The following LMNTD1 variants were observed in gnomAD, a reference collection of about 807,000 sequenced individuals.
LMNTD1 encodes lamin tail domain-containing protein 1.
In LMNTD1, 35 loss-of-function variants were observed where a neutral mutation model predicts 50.9. The observed-to-expected ratio is 0.69, with a 90% confidence interval of 0.53 to 0.91. The LOEUF is 0.91. Ranked by LOEUF, LMNTD1 falls within the 40% of genes least tolerant of loss-of-function variation. The pLI is 0.00. For synonymous variants in LMNTD1, 153 were observed against 161.9 expected (o/e 0.94, Z 0.42); for missense variants, 470 against 475.5 (o/e 0.99, Z 0.11).
At chr12:25,505,308 A>C (rs979150715) in intron 8 of LMNTD1, among the ~76,000 whole-genome samples, 7 of 152,212 alleles carry the variant, frequency 4.6e-5, no homozygotes, top group African/African-American at 1.7e-4. Context: ...TCTGTAAAGA[A>C]GGTTACAATC....
At chr12:25,536,728 G>C (rs1057175333) in intron 4 of LMNTD1, among the ~76,000 whole-genome samples, 14 of 152,236 alleles carry the variant, frequency 9.2e-5, no homozygotes, top group African/African-American at 3.4e-4. Flanking sequence ...GAGGAGCCAA[G>C]ATGGCCAAAT....
intron 1 of LMNTD1, among the ~76,000 whole-genome samples, chr12:25,629,893 T>C (rs1946676767): frequency 6.6e-6 from 1 of 152,178 alleles, no homozygotes; most frequent in Admixed American, 6.5e-5. Flanking sequence ...CAAAGAGATC[T>C]GACTTTAATT....
At chr12:25,496,998 T>C (rs917019667) in intron 9 of LMNTD1, among the ~76,000 whole-genome samples, 1 of 152,130 alleles carries the variant, frequency 6.6e-6, no homozygotes, top group African/African-American at 2.4e-5. Flanking sequence ...TTTAACATAA[T>C]GTTTCAAAGT....
chr12:25,623,874 C>T (rs563847259), intron 1 of LMNTD1, among the ~76,000 whole-genome samples: 1 of 152,302 alleles, frequency 6.6e-6, no homozygotes, highest in Non-Finnish European at 1.5e-5. Flanking sequence ...AGGGTCTAGC[C>T]AGCTTTGGAT....
chr12:25,576,913 T>C (rs1207968216), intron 1 of LMNTD1, among the ~76,000 whole-genome samples: 4 of 152,210 alleles, frequency 2.6e-5, no homozygotes, highest in Admixed American at 2.0e-4. Context: ...TACATATGGC[T>C]AGCCAGTTTT....
intron 1 of LMNTD1, among the ~76,000 whole-genome samples, chr12:25,560,823 GCTCT>G (rs1481229016): frequency 2.0e-5 from 3 of 152,048 alleles, no homozygotes; most frequent in East Asian, 1.9e-4. Flanking sequence ...TCATGATTTG[GCTCT>G]CTGTTTGTCT....
chr12:25,518,816 T>C lies in LMNTD1; in HGVS notation c.1168A>G (p.Thr390Ala). The part of the protein sequence containing the change: ...RLDRQPRTRS[T>A]RPNRASGSKK... ...TGACCTGAGGCTCGATTAGGTCTGG[T>C]TGACCGAGTCCTGGGCTGTCTATCC... The change falls in exon 8 of 10, where the codon ACC becomes GCC. Residue 390 changes from threonine (T) to alanine (A), a missense_variant. Coordinates refer to ENST00000458174, the MANE Select transcript of LMNTD1 (RefSeq NM_001145728.2). 6.2e-7 allele frequency: 1 copy of C among 1,614,152 alleles called. No individual in the cohort carries two copies. The highest frequency in any genetic ancestry group is 8.5e-7 in the Non-Finnish European group (1 of 1,180,004).
intron 4 of LMNTD1, among the ~76,000 whole-genome samples, chr12:25,529,056 T>C (rs1196575088): frequency 1.3e-5 from 2 of 152,170 alleles, no homozygotes; most frequent in Non-Finnish European, 2.9e-5. Flanking sequence ...AATCGGTAAA[T>C]TGAGTGGCAA....
chr12:25,549,510 A>C lies in LMNTD1; in HGVS notation c.126T>G (p.His42Gln). 1.9e-6 allele frequency: 3 copies of C among 1,612,488 alleles called. No homozygotes were observed. The highest frequency in any genetic ancestry group is 2.5e-6 in the Non-Finnish European group (3 of 1,178,764). ...CTGAACCCAACATCTTTGGGGAAAA[A>C]TGTACTAAAGAATATACTCCAAGTT... ...EDKLGVYSLV[H>Q]FSPKMLGSVA... Residue 42 changes from histidine to glutamine, a missense_variant, in exon 3 of 10, where the codon CAT becomes CAG. By Grantham distance (24) the His-to-Gln change is conservative (BLOSUM62 0). Coordinates refer to ENST00000458174, the MANE Select transcript of LMNTD1 (RefSeq NM_001145728.2).
rs74070509 is a variant in LMNTD1 at position 25,514,238 on chromosome 12, G to A, written c.1189+4557C>T. 1.9e-3 allele frequency among the ~76,000 whole-genome samples: 296 copies of A among 152,222 alleles called. 1 individual carries two copies. Among genetic ancestry groups the A allele is most frequent in the African/African-American group, 6.8e-3 (281 of 41,528 alleles). ...ACCCAGACCCAAGCATAGGAGGGAG[G>A]TGGTACTAGAAATCAGTGTGCACGT... On this transcript the variant is annotated intron_variant, in intron 8 of 9. Transcript: ENST00000458174.
chr12:25,527,085 T>C (rs998380151), intron 4 of LMNTD1, 130 bp from the exon 5 acceptor site: 5 of 563,406 alleles, frequency 8.9e-6, no homozygotes, highest in Admixed American at 7.1e-5. Context: ...AAGTTCTATA[T>C]AGGAATAGTA....
chr12:25,496,351 A>G (rs1370781741), intron 9 of LMNTD1, among the ~76,000 whole-genome samples: 2 of 152,050 alleles, frequency 1.3e-5, no homozygotes, highest in African/African-American at 4.8e-5. Flanking sequence ...TTTATTGTAC[A>G]CTCTTAAATT....
At chr12:25,555,965 CTTTTTTTTT>C (rs71065954), upstream of LMNTD1, among the ~76,000 whole-genome samples, 1,848 of 69,484 alleles carry the variant, frequency 0.027, 115 homozygotes, top group East Asian at 0.26. Context: ...GTGCAATAAT[CTTTTTTTTT>C]TTTTTTTTTT....
At chr12:25,624,345 T>C (rs1229258380) in intron 1 of LMNTD1, among the ~76,000 whole-genome samples, 1 of 152,210 alleles carries the variant, frequency 6.6e-6, no homozygotes, top group Non-Finnish European at 1.5e-5. Flanking sequence ...GTTTCCCTTA[T>C]TTTCAGAAAT....
intron 4 of LMNTD1, among the ~76,000 whole-genome samples, chr12:25,544,878 T>C (rs1943332374): frequency 1.3e-5 from 2 of 151,796 alleles, no homozygotes; most frequent in Admixed American, 6.6e-5. Flanking sequence ...ACTCCATCCT[T>C]CCATATTTTG....
In LMNTD1 at chr12:25,546,463, T is replaced by C. The variant is rs535247924; in HGVS notation, c.402A>G (p.Ser134=). ...AGTTTGAGTGTGCTGTAAGTTTCTTTGAATCACCAAACAAAGAAAGGAAAT... is the reference window on the plus strand; with the variant it reads ...AGTTTGAGTGTGCTGTAAGTTTCTTCGAATCACCAAACAAAGAAAGGAAAT... The part of the protein sequence containing the change: ...EDYFLSLFGD[S]KKLTAHSNYT... Residue 134 remains serine (S), a synonymous_variant, in exon 4 of 10, where the codon TCA becomes TCG. Coordinates refer to ENST00000458174, the MANE Select transcript of LMNTD1 (RefSeq NM_001145728.2). 3.1e-6 allele frequency: 5 copies of C among 1,602,428 alleles called. No individual in the cohort carries two copies. The highest frequency in any genetic ancestry group is 1.3e-5 in the African/African-American group (1 of 74,278).
At chr12:25,608,878 G>T (rs1946180881) in intron 1 of LMNTD1, among the ~76,000 whole-genome samples, 1 of 152,176 alleles carries the variant, frequency 6.6e-6, no homozygotes, top group South Asian at 2.1e-4. Context: ...GCCTTGTTTG[G>T]TTGGGGAAGT....
chr12:25,620,611 A>G (rs965319200), intron 1 of LMNTD1, among the ~76,000 whole-genome samples: 1 of 152,168 alleles, frequency 6.6e-6, no homozygotes, highest in African/African-American at 2.4e-5. Flanking sequence ...TGATCCAGGT[A>G]TACATGAGTT....
chr12:25,478,923 G>A (rs1938356922), intron 9 of LMNTD1, among the ~76,000 whole-genome samples: 1 of 151,626 alleles, frequency 6.6e-6, no homozygotes, highest in Non-Finnish European at 1.5e-5. Flanking sequence ...CATTCCTAAA[G>A]GGTCTGGGCC....
Sources: gnomAD v4.1 joint callset for allele counts (sites outside exome capture counted in the v4.1 genomes callset) on GRCh38, gnomAD v4.1.1 for gene constraint, MANE v1.5 for transcripts, NCBI Gene and HGNC (gene_info 2026-07-23, HGNC 2026-07-21) for gene names.